The following TYW3 variants were observed in gnomAD, a reference collection of about 807,000 sequenced individuals.
The protein encoded by TYW3 is tRNA-yW synthesizing protein 3 homolog, also known as tRNA wybutosine-synthesizing protein 3 homolog.
Under a neutral mutation model 23.1 loss-of-function variants are expected in TYW3, and 26 were observed. That is an observed-to-expected ratio of 1.13 (90% CI 0.83 to 1.56). TYW3 has a LOEUF of 1.56. TYW3 is among the 40% of genes most tolerant of loss of function. The probability of loss-of-function intolerance (pLI) is 0.00; values close to 1 mark genes in which losing one functional copy is unlikely to be tolerated. For missense variants in TYW3, 316 were observed against 311.9 expected, an observed-to-expected ratio of 1.01 and a Z score of -0.10; for synonymous variants, 102 against 105.7, an observed-to-expected ratio of 0.97 and a Z score of 0.21.
chr1:74,738,712 A>G lies in TYW3; in HGVS notation c.278A>G (p.Asn93Ser). ...TAGATTGTAGCTCTGAAGAAAGCAA[A>G]TGGTGATGCCACTTTGAAATTTGAA... ...DDVIVALKKA[N>S]GDATLKFEPF... is the part of the protein sequence containing the mutation. The change falls in exon 3 of 6, where the codon AAT (asparagine) becomes AGT (serine). Residue 93 changes from asparagine (N) to serine (S), a missense_variant. Coordinates refer to ENST00000370867, the MANE Select transcript of TYW3 (RefSeq NM_138467.3). 6.2e-7 allele frequency: 1 copy of G among 1,608,252 alleles called. No individual in the cohort carries two copies. Among genetic ancestry groups the G allele is most frequent in the Non-Finnish European group, 8.5e-7 (1 of 1,175,678 alleles).
At chr1:74,740,564 C>T (rs146989527) in intron 3 of TYW3, among the ~76,000 whole-genome samples, 1,884 of 152,308 alleles carry the variant, frequency 0.012, 33 homozygotes, top group African/African-American at 0.043. Flanking sequence ...TTACAGAGTG[C>T]AGATTGGTGC....
Position 74,733,271 on chromosome 1 carries a change from A to AT in TYW3, c.28dup (p.Trp10LeufsTer18). ...TGGATCGCAGCGCGGAGTTCAGGAA[A>AT]TGGAAGGCGCAATGTTTGAGCAAAG... On this transcript the variant is annotated frameshift_variant, in exon 1 of 6. Transcript: ENST00000370867. LOFTEE classifies it high-confidence loss of function. The AT allele has an allele frequency of 6.2e-7, 1 of 1,614,156 alleles. No homozygotes were observed. The highest frequency in any genetic ancestry group is 8.5e-7 in the Non-Finnish European group (1 of 1,180,014).
At chr1:74,739,102 A>C (rs1411138618) in intron 3 of TYW3, among the ~76,000 whole-genome samples, 2 of 152,172 alleles carry the variant, frequency 1.3e-5, no homozygotes, top group African/African-American at 4.8e-5. Context: ...GTGGAACTAC[A>C]TGTAAAATTA....
In TYW3 at chr1:74,748,795, G is replaced by A. The variant is rs201891719; in HGVS notation, c.399G>A (p.Thr133=). The change falls in exon 4 of 6, where the codon ACG becomes ACA. Residue 133 remains threonine (T), a synonymous_variant. Transcript: ENST00000370867. The part of the protein sequence containing the change: ...IDSGFRNSGI[T]VGKRGKTMLA... ...CTGGTTTCAGGAACTCTGGCATAAC[G>A]GTGGGAAAGAGAGGAAAAACTATGT... is the stretch of plus-strand genomic sequence containing the variant. 960 of 1,613,986 alleles carry A rather than the reference G, an allele frequency of 5.9e-4. 10 individuals are homozygous for A. Among genetic ancestry groups the A allele is most frequent in the Non-Finnish European group, 6.5e-5 (77 of 1,179,928 alleles).
intron 1 of TYW3, among the ~76,000 whole-genome samples, chr1:74,735,263 T>C (rs114843215): frequency 1.3e-5 from 2 of 152,354 alleles, no homozygotes; most frequent in Admixed American, 6.5e-5. Context: ...TCTTCATCTT[T>C]AGCTAGTTAC....
At chr1:74,741,863 G>A (rs1405949652) in intron 3 of TYW3, among the ~76,000 whole-genome samples, 1 of 152,172 alleles carries the variant, frequency 6.6e-6, no homozygotes, top group African/African-American at 2.4e-5. Context: ...TGTTTCATTT[G>A]CCTTCTCGAC....
chr1:74,747,375 C>T (rs1163254158), intron 3 of TYW3, among the ~76,000 whole-genome samples: 5 of 152,068 alleles, frequency 3.3e-5, no homozygotes, highest in South Asian at 2.1e-4. Flanking sequence ...CGGTGGCTCA[C>T]GCCTGTAATC....
Position 74,764,098 on chromosome 1 carries a change from C to A in TYW3, c.765C>A (p.Phe255Leu), listed in dbSNP as rs1490087056. Residue 255 changes from phenylalanine (F) to leucine (L), a missense_variant, in exon 6 of 6, where the codon TTC becomes TTA. Coordinates refer to ENST00000370867, the MANE Select transcript of TYW3 (RefSeq NM_138467.3). ...DDDLGINVTI[F>L]PEDY ...ATCTAGGAATCAATGTTACCATCTT[C>A]CCTGAAGATTACTAAGCTTTGGTTC... is the stretch of plus-strand genomic sequence containing the variant. 6.2e-7 allele frequency: 1 copy of A among 1,608,838 alleles called. No individual in the cohort carries two copies. Among genetic ancestry groups the A allele is most frequent in the African/African-American group, 1.3e-5 (1 of 74,414 alleles).
chr1:74,760,352 G>T (rs1193376379), intron 5 of TYW3, among the ~76,000 whole-genome samples: 2 of 152,168 alleles, frequency 1.3e-5, no homozygotes, highest in Admixed American at 1.3e-4. Flanking sequence ...AAACCATATT[G>T]TTCAAGGGTC....
At chr1:74,747,876 C>CATACACAT (rs1240835838) in intron 3 of TYW3, among the ~76,000 whole-genome samples, 1 of 119,260 alleles carries the variant, frequency 8.4e-6, no homozygotes, top group Non-Finnish European at 2.2e-5. Context: ...CATACACATA[C>CATACACAT]ACACACATAT....
At chr1:74,738,629 TA>T in intron 2 of TYW3, 60 bp from the exon 3 acceptor site, 1 of 1,197,484 alleles carries the variant, frequency 8.4e-7, no homozygotes, top group South Asian at 1.9e-5. Flanking sequence ...ATGTATGGGG[TA>T]AAGGGTCGCC....
chr1:74,745,638 C>T (rs2100762856), intron 3 of TYW3, among the ~76,000 whole-genome samples: 1 of 152,316 alleles, frequency 6.6e-6, no homozygotes, highest in East Asian at 1.9e-4. Flanking sequence ...GCTGGCCTCA[C>T]CTCTCAGAAG....
rs1267790569 is a variant in TYW3 at position 74,765,952 on chromosome 1, A to C, written c.*1839A>C. ...TGGCCATAAACCTAAGAAGACATTG[A>C]ATCCCATTCACTCCTTAACATTCCT... On this transcript the variant is annotated 3_prime_UTR_variant, in exon 6 of 6. Coordinates refer to ENST00000370867, the MANE Select transcript of TYW3 (RefSeq NM_138467.3). 1.3e-5 allele frequency: 2 copies of C among 152,160 alleles called. No individual in the cohort carries two copies. Among genetic ancestry groups the C allele is most frequent in the Non-Finnish European group, 2.9e-5 (2 of 68,048 alleles). 9.4% of individuals were successfully genotyped at this position (152,160 alleles called of 1,614,324 possible).
chr1:74,763,519 G>T (rs956410211), intron 5 of TYW3, among the ~76,000 whole-genome samples: 1 of 152,034 alleles, frequency 6.6e-6, no homozygotes, highest in Non-Finnish European at 1.5e-5. Context: ...ATATTGAGAG[G>T]AGTTATTTCT....
chr1:74,739,062 T>C (rs969570062), intron 3 of TYW3, among the ~76,000 whole-genome samples: 2 of 152,214 alleles, frequency 1.3e-5, no homozygotes, highest in Non-Finnish European at 2.9e-5. Context: ...ATAGTTTGTT[T>C]TTGTTTGCCA....
At chr1:74,735,796 A>G (rs962759719) in intron 1 of TYW3, among the ~76,000 whole-genome samples, 2 of 152,206 alleles carry the variant, frequency 1.3e-5, no homozygotes, top group Non-Finnish European at 2.9e-5. Context: ...TCCCGGTTCC[A>G]AGGGCAGACA....
At chr1:74,738,872 A>C in intron 3 of TYW3, 84 bp downstream of exon 3, 1 of 883,994 alleles carries the variant, frequency 1.1e-6, no homozygotes. Flanking sequence ...ATAAATATCA[A>C]TGAGATATTA....
intron 4 of TYW3, chr1:74,751,254 ATGTACATGCACATGCATGCATGTGTGTT>A (rs1339320686): frequency 2.0e-5 from 3 of 152,124 alleles, no homozygotes; most frequent in Non-Finnish European, 2.9e-5. Context: ...ATGTGTGTGT[ATGTACATGCACATGCATGCATGTGTGTT>A]TCTTCTGTCA....
rs895546314 is a variant in TYW3 at position 74,734,778 on chromosome 1, T to C, written c.174+1360T>C. 3.3e-5 allele frequency among the ~76,000 whole-genome samples: 5 copies of C among 152,218 alleles called. No individual in the cohort carries two copies. The East Asian group carries it at 5.8e-4, about 18-fold the overall frequency. On this transcript the variant is annotated intron_variant, in intron 1 of 5. Coordinates refer to ENST00000370867, the MANE Select transcript of TYW3 (RefSeq NM_138467.3). ...AGGATAATAAAAAGTATCTGCTTTA[T>C]AGGGATTTTGTGTGGAGAAAATAGG...
Sources: allele counts gnomAD v4.1 joint callset (sites outside exome capture counted in the v4.1 genomes callset), GRCh38; gene constraint gnomAD v4.1.1; transcripts MANE v1.5; gene names NCBI Gene and HGNC (gene_info 2026-07-23, HGNC 2026-07-21).